Variants in LRP5 observed in about 807,000 individuals in gnomAD.
LRP5 encodes the protein low-density lipoprotein receptor-related protein 5.
A neutral mutation model predicts 154.1 loss-of-function variants in LRP5; 62 were observed. The ratio of observed to expected loss-of-function variants is 0.40; its 90% confidence interval spans 0.33 to 0.50. The LOEUF is 0.50. Ranked by LOEUF, LRP5 falls within the 20% of genes least tolerant of loss-of-function variation. The probability of loss-of-function intolerance (pLI) is 0.55; values close to 1 mark genes in which losing one functional copy is unlikely to be tolerated. For missense variants in LRP5, 1,915 were observed against 2,336.7 expected, an observed-to-expected ratio of 0.82 and a Z score of 3.72; for synonymous variants, 966 against 1,011.5, an observed-to-expected ratio of 0.96 and a Z score of 0.85.
At position 68,438,612 on chromosome 11, in the gene LRP5, T is replaced by C. The variant is rs142328132; in HGVS notation, c.4278T>C (p.Tyr1426=). The part of the protein sequence containing the change: ...AGANGPFPHE[Y]VSGTPHVPLN... ...CCAACGGGCCCTTCCCGCACGAGTATGTCAGCGGGACCCCGCACGTGCCCC... is the reference window on the plus strand; with the variant it reads ...CCAACGGGCCCTTCCCGCACGAGTACGTCAGCGGGACCCCGCACGTGCCCC... Residue 1426 remains tyrosine (Y), a synonymous_variant, in exon 20 of 23, where the codon TAT becomes TAC. Coordinates refer to ENST00000294304, the MANE Select transcript of LRP5 (RefSeq NM_002335.4). 4.3e-4 allele frequency: 687 copies of C among 1,613,864 alleles called. 2 individuals are homozygous for C. In the African/African-American group the frequency reaches 8.2e-3, roughly 19 times the overall value.
chr11:68,439,553 G>A (rs2098676964), intron 20 of LRP5, among the ~76,000 whole-genome samples: 1 of 152,178 alleles, frequency 6.6e-6, no homozygotes, highest in South Asian at 2.1e-4. Flanking sequence ...GCCCCTTGGA[G>A]GAGGTACCAT....
intron 21 of LRP5, 36 bp from the exon 22 acceptor site, chr11:68,446,400 C>T (rs370320166): frequency 1.6e-4 from 225 of 1,414,400 alleles, no homozygotes; most frequent in Middle Eastern, 7.0e-4. Flanking sequence ...CCCAGGCTGG[C>T]GAGGCTCTAA....
At chr11:68,318,681 C>T (rs1319169327) in intron 1 of LRP5, among the ~76,000 whole-genome samples, 3 of 152,154 alleles carry the variant, frequency 2.0e-5, no homozygotes, top group Non-Finnish European at 4.4e-5. Flanking sequence ...TGAAGGTTCA[C>T]TCAAGGAGGA....
intron 12 of LRP5, among the ~76,000 whole-genome samples, chr11:68,415,293 C>T (rs1233752146): frequency 6.6e-6 from 1 of 152,178 alleles, no homozygotes; most frequent in Non-Finnish European, 1.5e-5. Context: ...TGTCTTCTCT[C>T]GGGCTTGTTG....
chr11:68,444,803 C>T (rs2098680550), intron 21 of LRP5, among the ~76,000 whole-genome samples: 1 of 152,094 alleles, frequency 6.6e-6, no homozygotes, highest in South Asian at 2.1e-4. Flanking sequence ...GGGGCTTGGG[C>T]AGCTGTAGGA....
intron 15 of LRP5, 147 bp from the exon 16 acceptor site, chr11:68,425,831 G>C: frequency 4.2e-6 from 3 of 722,544 alleles, no homozygotes; most frequent in Middle Eastern, 3.8e-4. Context: ...CTGCTTCCAG[G>C]GACTCTGCTG....
At position 68,446,527 on chromosome 11, in the gene LRP5, C is replaced by T. The variant is rs80291963; in HGVS notation, c.4580C>T (p.Pro1527Leu). The change falls in exon 22 of 23, where the codon CCG becomes CTG. Residue 1527 changes from proline to leucine, a missense_variant. Physicochemically the swap from Pro to Leu is moderately conservative, Grantham distance 98. Transcript: ENST00000294304. ...TCAAACATTCCGGCCACTGCGAGAC[C>T]GTACAGGTAGGACATCCCCTGCAGC... ...YSSNIPATAR[P>L]YRPYIIRGMA... 128 of 1,613,604 alleles carry T rather than the reference C, an allele frequency of 7.9e-5. No homozygotes were observed. The highest frequency in any genetic ancestry group is 9.7e-5 in the Non-Finnish European group (114 of 1,179,564).
At chr11:68,335,564 TA>T (rs1205757037) in intron 1 of LRP5, among the ~76,000 whole-genome samples, 1 of 152,022 alleles carries the variant, frequency 6.6e-6, no homozygotes, top group Non-Finnish European at 1.5e-5. Flanking sequence ...ACCCTGTCTC[TA>T]AAAAGCACCT....
At chr11:68,439,478 C>T (rs1408799999) in intron 20 of LRP5, among the ~76,000 whole-genome samples, 3 of 152,200 alleles carry the variant, frequency 2.0e-5, no homozygotes, top group Admixed American at 1.3e-4. Flanking sequence ...CCCCAGAGAA[C>T]GCGGCCCTGT....
In LRP5 at chr11:68,423,689, G is replaced by T. The variant is rs767509386; in HGVS notation, c.3228G>T (p.Ala1076=). 3 of 1,610,674 alleles carry T rather than the reference G, an allele frequency of 1.9e-6. No individual in the cohort carries two copies. The South Asian group carries it at 3.3e-5, about 18-fold the overall frequency. Residue 1076 remains alanine (A), a synonymous_variant, in exon 14 of 23, where the codon GCG becomes GCT. Coordinates refer to ENST00000294304, the MANE Select transcript of LRP5 (RefSeq NM_002335.4). The surrounding 1 kb of genome is among the most constrained non-coding windows in gnomAD (Gnocchi z 4.7). ...RDKPRAIVVN[A]ERGYLYFTNM... is the part of the protein sequence containing the mutation. ...AGCCCAGGGCCATCGTCGTCAACGCGGAGCGAGGGTAGGAGGCCAACGGGT... is the reference window on the plus strand; with the variant it reads ...AGCCCAGGGCCATCGTCGTCAACGCTGAGCGAGGGTAGGAGGCCAACGGGT...
chr11:68,405,775 T>G (rs1039201657), intron 8 of LRP5, among the ~76,000 whole-genome samples: 2 of 152,104 alleles, frequency 1.3e-5, no homozygotes, highest in Non-Finnish European at 2.9e-5. Flanking sequence ...AAACGAACGG[T>G]CTGTACTATG....
intron 5 of LRP5, among the ~76,000 whole-genome samples, chr11:68,380,319 C>G (rs1236103251): frequency 6.6e-6 from 1 of 152,180 alleles, no homozygotes; most frequent in Non-Finnish European, 1.5e-5. Context: ...ATTTTAGTGT[C>G]CATAAATGAA....
intron 1 of LRP5, among the ~76,000 whole-genome samples, chr11:68,346,970 G>A (rs73496744): frequency 0.025 from 3,749 of 152,326 alleles, 150 homozygotes; most frequent in African/African-American, 0.085. Flanking sequence ...GAATGAGACC[G>A]TTGTCTGTGA....
chr11:68,416,375 A>G lies in LRP5; in HGVS notation c.2875A>G (p.Met959Val), dbSNP rs2098662550. Residue 959 changes from methionine (M) to valine (V), a missense_variant, in exon 13 of 23, where the codon ATG becomes GTG. By Grantham distance (21) the Met-to-Val change is conservative. Around this residue, in one of 3 missense-constraint regions of LRP5, gnomAD observed 1,094 missense variants for 1,210.1 expected, o/e 0.90. Coordinates refer to ENST00000294304, the MANE Select transcript of LRP5 (RefSeq NM_002335.4). Reference sequence around the variant, plus strand: ...CAGCCAGAAATCTGCCATCAGTCGGATGATCCCGGACGACCAGCACAGCCC... The same window carrying G: ...CAGCCAGAAATCTGCCATCAGTCGGGTGATCCCGGACGACCAGCACAGCCC... ...LFSQKSAISR[M>V]IPDDQHSPDL... is the part of the protein sequence containing the mutation. 1 of 1,614,134 alleles carries G rather than the reference A, an allele frequency of 6.2e-7. No homozygotes were observed. The highest frequency in any genetic ancestry group is 8.5e-7 in the Non-Finnish European group (1 of 1,180,018).
At chr11:68,435,065 A>G (rs1233018058) in intron 18 of LRP5, among the ~76,000 whole-genome samples, 2 of 152,166 alleles carry the variant, frequency 1.3e-5, no homozygotes, top group African/African-American at 2.4e-5. Context: ...AGCCATGCCC[A>G]TTCATTCATT....
rs532948248 is a variant in LRP5, at chr11:68,400,247, G to A, written c.1585-3236G>A. Among the ~76,000 whole-genome samples, 5 of 152,150 alleles carry A rather than the reference G, an allele frequency of 3.3e-5. No individual in the cohort carries two copies. The East Asian group carries it at 5.8e-4, about 18-fold the overall frequency. On this transcript the variant is annotated intron_variant, in intron 7 of 22. Coordinates refer to ENST00000294304, the MANE Select transcript of LRP5 (RefSeq NM_002335.4). ...GAGAGGGAGGAAGTGGCTGCCGGCCGCTGCCCAGCACCCTTGTTTGCCTTG... is the reference window on the plus strand; with the variant it reads ...GAGAGGGAGGAAGTGGCTGCCGGCCACTGCCCAGCACCCTTGTTTGCCTTG...
intron 18 of LRP5, among the ~76,000 whole-genome samples, chr11:68,436,422 C>T (rs1405818708): frequency 6.6e-6 from 1 of 152,164 alleles, no homozygotes; most frequent in Non-Finnish European, 1.5e-5. Flanking sequence ...CCCGTGTGGG[C>T]TGCCTGCACC....
intron 3 of LRP5, 100 bp from the exon 4 acceptor site, chr11:68,363,647 A>G (rs896195279): frequency 2.1e-3 from 1,586 of 770,862 alleles, no homozygotes; most frequent in Non-Finnish European, 3.2e-3. Context: ...ACAGACCGAG[A>G]CTCCATCTCA....
At chr11:68,350,873 G>A (rs1591208957) in intron 2 of LRP5, among the ~76,000 whole-genome samples, 1 of 152,184 alleles carries the variant, frequency 6.6e-6, no homozygotes, top group African/African-American at 2.4e-5. Context: ...ACTGAGTGTG[G>A]GAGTGGGAGG....
Sources: gnomAD v4.1 joint callset for allele counts (sites outside exome capture counted in the v4.1 genomes callset) on GRCh38, gnomAD v4.1.1 for gene constraint, gnomAD v4.1.1 regional missense constraint, Gnocchi (gnomAD v3.1) non-coding constraint, MANE v1.5 for transcripts, NCBI Gene and HGNC (gene_info 2026-07-23, HGNC 2026-07-21) for gene names.